The following KIAA1671 variants were observed in gnomAD, a reference collection of about 807,000 sequenced individuals.
KIAA1671 encodes the protein uncharacterized protein KIAA1671.
In KIAA1671, 52 loss-of-function variants were observed where a neutral mutation model predicts 131.2. The ratio of observed to expected loss-of-function variants is 0.40; its 90% CI spans 0.32 to 0.50. KIAA1671 has a LOEUF of 0.50. KIAA1671 is among the 20% of genes least tolerant of loss of function. KIAA1671 has a pLI of 0.73. For synonymous variants in KIAA1671, 1,003 were observed against 961.6 expected (o/e 1.04, Z -0.80); for missense variants, 2,360 against 2,364.2 (o/e 1.00, Z 0.04).
chr22:25,122,948 C>T (rs991002596), intron 6 of KIAA1671, among the ~76,000 whole-genome samples: 2 of 151,830 alleles, frequency 1.3e-5, no homozygotes, highest in Non-Finnish European at 2.9e-5. Context: ...GCACACCAGC[C>T]GGGGCGACAG....
chr22:25,143,830 G>T (rs1319082721), intron 6 of KIAA1671, among the ~76,000 whole-genome samples: 1 of 152,084 alleles, frequency 6.6e-6, no homozygotes, highest in Admixed American at 6.5e-5. Flanking sequence ...GTGTGACCTT[G>T]AGCAAGTGAA....
At chr22:24,970,989 C>T (rs554160735) in intron 1 of KIAA1671, among the ~76,000 whole-genome samples, 1 of 152,300 alleles carries the variant, frequency 6.6e-6, no homozygotes, top group Admixed American at 6.5e-5. Flanking sequence ...CAGAGTCTCA[C>T]TCTTGTTGCC....
chr22:25,117,585 C>CACACA (rs1931730649), intron 6 of KIAA1671, among the ~76,000 whole-genome samples: 4 of 123,836 alleles, frequency 3.2e-5, no homozygotes, highest in Admixed American at 1.7e-4. Flanking sequence ...TCTCCCCCAA[C>CACACA]CACACACACA....
rs537320030 is a variant in KIAA1671, at chr22:24,988,735, C to T, written c.-208+35963C>T. 1.2e-3 allele frequency among the ~76,000 whole-genome samples: 129 copies of T among 106,496 alleles called. 2 individuals carry two copies. The South Asian group carries it at 0.022, about 18-fold the overall frequency. 69.9% of individuals were successfully genotyped at this position (106,496 alleles called of 152,430 possible). ...TGGGTGAAAGAGCGAGACTCCATCT[C>T]AAAAAAAAAAAAAAAAAAAATGGGT... On this transcript the variant is annotated intron_variant, in intron 1 of 12. Coordinates refer to ENST00000358431, the MANE Select transcript of KIAA1671 (RefSeq NM_001145206.2).
At chr22:25,070,813 T>A (rs1928781263) in intron 6 of KIAA1671, among the ~76,000 whole-genome samples, 1 of 152,312 alleles carries the variant, frequency 6.6e-6, no homozygotes, top group South Asian at 2.1e-4. Context: ...AATGTCTGTC[T>A]TCTATGGGAT....
chr22:25,000,184 GTTTTTTTTT>G (rs1184771280), intron 1 of KIAA1671, among the ~76,000 whole-genome samples: 8 of 62,166 alleles, frequency 1.3e-4, no homozygotes, highest in South Asian at 1.4e-3. Flanking sequence ...CTCCTCGCCT[GTTTTTTTTT>G]TTTTTTTTTT....
At chr22:25,043,426 A>C (rs969801939) in intron 5 of KIAA1671, among the ~76,000 whole-genome samples, 9 of 152,332 alleles carry the variant, frequency 5.9e-5, no homozygotes, top group African/African-American at 2.2e-4. Context: ...AACTTGTCCC[A>C]GGTCACACAG....
chr22:25,169,232 C>G (rs1933757168), intron 6 of KIAA1671, among the ~76,000 whole-genome samples: 2 of 151,912 alleles, frequency 1.3e-5, no homozygotes, highest in African/African-American at 4.8e-5. Context: ...GCCTGGGCAA[C>G]ATGACGAGAC....
rs187910928 is a variant in KIAA1671, at chr22:25,179,321, C to T, written c.5074+1799C>T. On this transcript the variant is annotated intron_variant, in intron 9 of 12. Coordinates refer to ENST00000358431, the MANE Select transcript of KIAA1671 (RefSeq NM_001145206.2). ...CCGTCCCGGGCCCTTAGCCCGACATCTCCTCTCGCTGCTCCTTGTTCCTGC... is the reference window on the plus strand; with the variant it reads ...CCGTCCCGGGCCCTTAGCCCGACATTTCCTCTCGCTGCTCCTTGTTCCTGC... The T allele has an allele frequency of 7.9e-5, 125 of 1,586,924 alleles. No individual in the cohort carries two copies. In the East Asian group the frequency reaches 2.5e-3, roughly 31 times the overall value.
chr22:25,128,993 G>A (rs1932309998), intron 6 of KIAA1671, among the ~76,000 whole-genome samples: 1 of 152,194 alleles, frequency 6.6e-6, no homozygotes. Context: ...TAATCCTCCT[G>A]AGGATGGAGA....
intron 6 of KIAA1671, chr22:25,070,241 G>A (rs929704361): frequency 3.2e-5 from 13 of 403,654 alleles, no homozygotes; most frequent in African/African-American, 1.0e-4. Flanking sequence ...GCCGTGAGCC[G>A]GCTTCTGAAT....
intron 1 of KIAA1671, among the ~76,000 whole-genome samples, chr22:24,968,234 G>A (rs530595529): frequency 6.9e-4 from 105 of 152,324 alleles, no homozygotes; most frequent in Middle Eastern, 3.4e-3. Context: ...GCAGCAAAAA[G>A]CATGGAGGAA....
At chr22:25,058,535 C>T (rs888586849) in intron 6 of KIAA1671, 7 of 151,880 alleles carry the variant, frequency 4.6e-5, no homozygotes, top group African/African-American at 1.5e-4. Flanking sequence ...TAGAGATCCC[C>T]GGGGGATACG....
At chr22:24,964,889 T>C (rs73410610) in intron 1 of KIAA1671, among the ~76,000 whole-genome samples, 4,347 of 152,268 alleles carry the variant, frequency 0.029, 193 homozygotes, top group African/African-American at 0.097. Context: ...GTTGGTGCCC[T>C]TCTGGTGGTG....
chr22:24,970,130 G>A (rs1172560702), intron 1 of KIAA1671, among the ~76,000 whole-genome samples: 1 of 152,158 alleles, frequency 6.6e-6, no homozygotes, highest in African/African-American at 2.4e-5. Flanking sequence ...TAAAGCCACC[G>A]GACAGTCCCA....
chr22:25,059,481 CAAAA>C (rs5844619), intron 6 of KIAA1671: 8 of 99,104 alleles, frequency 8.1e-5, no homozygotes, highest in Admixed American at 2.2e-4. Flanking sequence ...GACTCCATCT[CAAAA>C]AAAAAAAAAA....
chr22:25,117,862 C>T (rs950668973), intron 6 of KIAA1671, among the ~76,000 whole-genome samples: 6 of 151,884 alleles, frequency 4.0e-5, no homozygotes, highest in Non-Finnish European at 7.4e-5. Context: ...AGCAGTCGGC[C>T]GGGTGTGGTG....
intron 6 of KIAA1671, among the ~76,000 whole-genome samples, chr22:25,135,015 G>A (rs560516611): frequency 6.6e-6 from 1 of 152,156 alleles, no homozygotes; most frequent in African/African-American, 2.4e-5. Context: ...CTGAGTTCTG[G>A]GTAGATTCAT....
chr22:25,034,121 C>T (rs1202106136), intron 4 of KIAA1671, among the ~76,000 whole-genome samples: 1 of 151,096 alleles, frequency 6.6e-6, no homozygotes, highest in Non-Finnish European at 1.5e-5. Context: ...TCTTGGCTCA[C>T]AGCAACATCC....
Sources: allele counts gnomAD v4.1 joint callset (sites outside exome capture counted in the v4.1 genomes callset), GRCh38; gene constraint gnomAD v4.1.1; transcripts MANE v1.5; gene names NCBI Gene and HGNC (gene_info 2026-07-23, HGNC 2026-07-21).